The following RBP3 variants were observed in gnomAD, a reference collection of about 807,000 sequenced individuals.
RBP3 encodes the protein retinol binding protein 3.
A neutral mutation model predicts 64.8 loss-of-function variants in RBP3; 50 were observed. The observed-to-expected ratio is 0.77, with a 90% CI of 0.61 to 0.98. RBP3 has a LOEUF of 0.98. Ranked by LOEUF, RBP3 falls within the 50% of genes least tolerant of loss-of-function variation. RBP3 has a pLI of 0.00. For missense variants in RBP3, 1,712 were observed against 1,660.5 expected, an observed-to-expected ratio of 1.03 and a Z score of -0.54; for synonymous variants, 828 against 730.2, an observed-to-expected ratio of 1.13 and a Z score of -2.16.
intron 1 of RBP3, 151 bp downstream of exon 1, chr10:47,351,689 C>A: frequency 1.0e-6 from 1 of 997,010 alleles, no homozygotes; most frequent in Non-Finnish European, 1.5e-6. Context: ...TTTCCTCTTT[C>A]TCAACCTGTT....
rs1029430068 is a variant in RBP3, at chr10:47,357,364, C to T, written c.3651C>T (p.Val1217=). 2 of 1,614,018 alleles carry T rather than the reference C, an allele frequency of 1.2e-6. No individual in the cohort carries two copies. Among genetic ancestry groups the T allele is most frequent in the Admixed American group, 3.3e-5 (2 of 60,004 alleles). The change falls in exon 4 of 4, where the codon GTC becomes GTT. Residue 1217 remains valine, a synonymous_variant. Coordinates refer to ENST00000584701, the MANE Select transcript of RBP3 (RefSeq NM_002900.3). ...EGVGVTPHVV[V]PAEEALARAK... ...TGGGGGTGACACCCCATGTGGTTGT[C>T]CCTGCAGAAGAGGCTCTCGCCAGGG...
chr10:47,349,093 C>T lies in RBP3; in HGVS notation c.609C>T (p.Pro203=). 1 of 1,614,066 alleles carries T rather than the reference C, an allele frequency of 6.2e-7. No homozygotes were observed. Among genetic ancestry groups the T allele is most frequent in the South Asian group, 1.1e-5 (1 of 91,076 alleles). ...ACGTGGACACTATCTACAACCGCCC[C>T]TCCAACACCACCACGGAGATCTGGA... is the stretch of plus-strand genomic sequence containing the variant. The part of the protein sequence containing the change: ...ILHVDTIYNR[P]SNTTTEIWTL... Residue 203 remains proline (P), a synonymous_variant, in exon 1 of 4, where the codon CCC becomes CCT. Coordinates refer to ENST00000584701, the MANE Select transcript of RBP3 (RefSeq NM_002900.3).
In RBP3 at chr10:47,349,774, C is replaced by G. The variant is rs1555211187; in HGVS notation, c.1290C>G (p.Phe430Leu). The change falls in exon 1 of 4, where the codon TTC becomes TTG. Residue 430 changes from phenylalanine to leucine, a missense_variant. Coordinates refer to ENST00000584701, the MANE Select transcript of RBP3 (RefSeq NM_002900.3). ...GGCAAGCACTGGTGGACTCTGTGTTCCAGGTGTCGGTGCTGCCAGGCAATG... is the reference window on the plus strand; with the variant it reads ...GGCAAGCACTGGTGGACTCTGTGTTGCAGGTGTCGGTGCTGCCAGGCAATG... ...AIRQALVDSV[F>L]QVSVLPGNVG... The G allele has an allele frequency of 1.2e-6, 2 of 1,613,176 alleles. No individual in the cohort carries two copies. Among genetic ancestry groups the G allele is most frequent in the South Asian group, 1.1e-5 (1 of 91,082 alleles).
In RBP3 at chr10:47,350,854, C is replaced by G. The variant is rs1836958854; in HGVS notation, c.2370C>G (p.Ser790=). The G allele has an allele frequency of 6.2e-7, 1 of 1,612,908 alleles. No homozygotes were observed. Among genetic ancestry groups the G allele is most frequent in the Non-Finnish European group, 8.5e-7 (1 of 1,180,002 alleles). The change falls in exon 1 of 4, where the codon TCC becomes TCG. Residue 790 remains serine (S), a synonymous_variant. Transcript: ENST00000584701. ...IDLRYNPGSY[S]TAIPLLCSYF... is the part of the protein sequence containing the mutation. ...TGCGCTACAACCCTGGCAGCTACTC[C>G]ACGGCCATCCCGCTGCTCTGCTCCT...
chr10:47,350,344 G>T lies in RBP3; in HGVS notation c.1860G>T (p.Glu620Asp). The change falls in exon 1 of 4, where the codon GAG becomes GAT. Residue 620 changes from glutamate to aspartate, a missense_variant. By Grantham distance (45) the Glu-to-Asp change is conservative. Coordinates refer to ENST00000584701, the MANE Select transcript of RBP3 (RefSeq NM_002900.3). ...GVVPDAIVLA[E>D]EALDKAQEVL... ...TGCCCGATGCCATCGTGCTGGCCGA[G>T]GAGGCCCTGGACAAAGCCCAGGAAG... 1 of 1,612,122 alleles carries T rather than the reference G, an allele frequency of 6.2e-7. No individual in the cohort carries two copies. The highest frequency in any genetic ancestry group is 1.1e-5 in the South Asian group (1 of 91,080).
At position 47,350,075 on chromosome 10, in the gene RBP3, T is replaced by C; in HGVS notation, c.1591T>C (p.Tyr531His). 6.2e-7 allele frequency: 1 copy of C among 1,613,018 alleles called. No individual in the cohort carries two copies. Among genetic ancestry groups the C allele is most frequent in the Non-Finnish European group, 8.5e-7 (1 of 1,179,978 alleles). Residue 531 changes from tyrosine (Y) to histidine (H), a missense_variant, in exon 1 of 4, where the codon TAC becomes CAC. Physicochemically the swap from Tyr to His is moderately conservative, Grantham distance 83 (BLOSUM62 2). Coordinates refer to ENST00000584701, the MANE Select transcript of RBP3 (RefSeq NM_002900.3). ...FSHMELPGPRYSTQRGVYLLT... is the reference protein window; with the variant it reads ...FSHMELPGPRHSTQRGVYLLT... ...CCACATGGAGCTCCCGGGCCCACGC[T>C]ACAGCACCCAACGTGGGGTGTATCT...
rs956826758 is a variant in RBP3, at chr10:47,348,421, G to A, written c.-64G>A. ...GCGGAAGGCAGCTGCACAGAGCAGG[G>A]CCACGGCCTTGCACACAGTCCAGGG... On this transcript the variant is annotated 5_prime_UTR_variant, in exon 1 of 4. Transcript: ENST00000584701. The A allele has an allele frequency of 1.9e-6, 3 of 1,560,504 alleles. No individual in the cohort carries two copies. Among genetic ancestry groups the A allele is most frequent in the African/African-American group, 1.4e-5 (1 of 73,946 alleles).
At position 47,349,134 on chromosome 10, in the gene RBP3, T is replaced by C. The variant is rs782220407; in HGVS notation, c.650T>C (p.Leu217Pro). Residue 217 changes from leucine to proline, a missense_variant, in exon 1 of 4, where the codon CTG (leucine) becomes CCG (proline). Physicochemically the swap from Leu to Pro is moderately conservative, Grantham distance 98 (BLOSUM62 -3). Coordinates refer to ENST00000584701, the MANE Select transcript of RBP3 (RefSeq NM_002900.3). ...TTEIWTLPQVLGERYGADKDV... is the reference protein window; with the variant it reads ...TTEIWTLPQVPGERYGADKDV... Reference sequence around the variant, plus strand: ...GAGATCTGGACCTTGCCCCAGGTCCTGGGAGAAAGGTACGGTGCCGACAAG... The same window carrying C: ...GAGATCTGGACCTTGCCCCAGGTCCCGGGAGAAAGGTACGGTGCCGACAAG... 3.7e-6 allele frequency: 6 copies of C among 1,613,812 alleles called. No individual in the cohort carries two copies. The highest frequency in any genetic ancestry group is 2.2e-5 in the East Asian group (1 of 44,888).
At position 47,348,973 on chromosome 10, in the gene RBP3, C is replaced by T. The variant is rs369162170; in HGVS notation, c.489C>T (p.Ser163=). The T allele has an allele frequency of 3.7e-6, 6 of 1,613,822 alleles. No homozygotes were observed. The highest frequency in any genetic ancestry group is 2.2e-5 in the East Asian group (1 of 44,882). ...TGTGGGGGAATCTCATGGGCACCTCCGCCTTAGTGCTGGATCTCCGGCACT... is the reference window on the plus strand; with the variant it reads ...TGTGGGGGAATCTCATGGGCACCTCTGCCTTAGTGCTGGATCTCCGGCACT... The part of the protein sequence containing the change: ...AHVWGNLMGT[S]ALVLDLRHCT... Residue 163 remains serine, a synonymous_variant, in exon 1 of 4, where the codon TCC becomes TCT. Coordinates refer to ENST00000584701, the MANE Select transcript of RBP3 (RefSeq NM_002900.3).
intron 3 of RBP3, 138 bp downstream of exon 3, chr10:47,355,656 T>A: frequency 9.2e-7 from 1 of 1,090,588 alleles, no homozygotes; most frequent in East Asian, 2.5e-5. Context: ...TAGATGTGCA[T>A]GATCTCGAAT....
chr10:47,351,458 C>A lies in RBP3; in HGVS notation c.2974C>A (p.Leu992Ile), dbSNP rs782670311. Residue 992 changes from leucine to isoleucine, a missense_variant, in exon 1 of 4, where the codon CTC becomes ATC. By Grantham distance (5) the Leu-to-Ile change is conservative. Coordinates refer to ENST00000584701, the MANE Select transcript of RBP3 (RefSeq NM_002900.3). ...AEILGADLQM[L>I]SGDPHLKAAH... ...GATCCTGGGGGCTGACCTGCAGATG[C>A]TCTCCGGAGACCCACACCTGAAGGC... 4.8e-5 allele frequency: 78 copies of A among 1,613,724 alleles called. No individual in the cohort carries two copies. Among genetic ancestry groups the A allele is most frequent in the Non-Finnish European group, 5.9e-5 (70 of 1,180,052 alleles).
In RBP3 at chr10:47,350,263, G is replaced by C. The variant is rs1555211323; in HGVS notation, c.1779G>C (p.Val593=). The C allele has an allele frequency of 6.2e-7, 1 of 1,607,488 alleles. No homozygotes were observed. The highest frequency in any genetic ancestry group is 8.5e-7 in the Non-Finnish European group (1 of 1,179,932). Residue 593 remains valine (V), a synonymous_variant, in exon 1 of 4, where the codon GTG becomes GTC. Coordinates refer to ENST00000584701, the MANE Select transcript of RBP3 (RefSeq NM_002900.3). ...DTPEGSLALT[V]PVLTFIDNHG... ...CCGAAGGCAGCCTCGCGCTCACCGT[G>C]CCGGTCCTCACCTTCATCGACAATC... is the stretch of plus-strand genomic sequence containing the variant.
rs782140996 is a variant in RBP3, at chr10:47,349,602, A to G, written c.1118A>G (p.Asn373Ser). 6.2e-7 allele frequency: 1 copy of G among 1,612,866 alleles called. No individual in the cohort carries two copies. Among genetic ancestry groups the G allele is most frequent in the Admixed American group, 1.7e-5 (1 of 60,022 alleles). Residue 373 changes from asparagine (N) to serine (S), a missense_variant, in exon 1 of 4, where the codon AAT becomes AGT. By Grantham distance (46) the Asn-to-Ser change is conservative (BLOSUM62 1). Transcript: ENST00000584701. ...VSEEDLVTKL[N>S]AGLQAASEDP... Reference sequence around the variant, plus strand: ...GAGGAAGATCTGGTCACCAAGCTCAATGCCGGCCTGCAGGCTGCGTCTGAG... The same window carrying G: ...GAGGAAGATCTGGTCACCAAGCTCAGTGCCGGCCTGCAGGCTGCGTCTGAG...
Position 47,349,743 on chromosome 10 carries a change from C to A in RBP3, c.1259C>A (p.Ala420Asp), listed in dbSNP as rs782767515. 1.1e-5 allele frequency: 17 copies of A among 1,612,572 alleles called. No homozygotes were observed. The highest frequency in any genetic ancestry group is 8.3e-5 in the Admixed American group (5 of 60,000). The change falls in exon 1 of 4, where the codon GCT (alanine) becomes GAT (aspartate). Residue 420 changes from alanine to aspartate, a missense_variant. Ala to Asp is a moderately radical substitution (Grantham distance 126). Coordinates refer to ENST00000584701, the MANE Select transcript of RBP3 (RefSeq NM_002900.3). Reference protein sequence around the residue: ...GVAPELPEDEAIRQALVDSVF... With the variant: ...GVAPELPEDEDIRQALVDSVF... ...GCCCCAGAGTTGCCTGAGGACGAGGCTATCCGGCAAGCACTGGTGGACTCT... is the reference window on the plus strand; with the variant it reads ...GCCCCAGAGTTGCCTGAGGACGAGGATATCCGGCAAGCACTGGTGGACTCT...
At chr10:47,353,243 A>C in intron 1 of RBP3, 82 bp from the exon 2 acceptor site, 1 of 1,298,938 alleles carries the variant, frequency 7.7e-7, no homozygotes, top group Non-Finnish European at 1.1e-6. Flanking sequence ...CATGCCCTTA[A>C]TATTTCCCAT....
At chr10:47,356,346 C>A (rs1186104953) in intron 3 of RBP3, among the ~76,000 whole-genome samples, 1 of 152,054 alleles carries the variant, frequency 6.6e-6, no homozygotes, top group African/African-American at 2.4e-5. Context: ...AAGATAGACT[C>A]AATTCTGCAG....
chr10:47,356,977 G>A, intron 3 of RBP3, 125 bp from the exon 4 acceptor site: 1 of 785,130 alleles, frequency 1.3e-6, no homozygotes, highest in Non-Finnish European at 2.1e-6. Context: ...CTCACAAGTG[G>A]ACACAAGGAC....
rs782095292 is a variant in RBP3, at chr10:47,355,486, T to C, written c.3356T>C (p.Val1119Ala). ...ATCTACAGCCGGCCTGATGACTCTG[T>C]CAGTGAACTCTGGACACACGCCCAG... ...DKIYSRPDDS[V>A]SELWTHAQVV... is the part of the protein sequence containing the mutation. Residue 1119 changes from valine to alanine, a missense_variant, in exon 3 of 4, where the codon GTC becomes GCC. Val to Ala is a moderately conservative substitution (Grantham distance 64, BLOSUM62 0). Transcript: ENST00000584701. The C allele has an allele frequency of 6.2e-7, 1 of 1,614,226 alleles. No homozygotes were observed. Among genetic ancestry groups the C allele is most frequent in the Admixed American group, 1.7e-5 (1 of 60,032 alleles).
rs782162558 is a variant in RBP3, at chr10:47,350,643, T to C, written c.2159T>C (p.Val720Ala). The C allele has an allele frequency of 6.2e-7, 1 of 1,612,750 alleles. No homozygotes were observed. The highest frequency in any genetic ancestry group is 8.5e-7 in the Non-Finnish European group (1 of 1,179,982). Residue 720 changes from valine to alanine, a missense_variant, in exon 1 of 4, where the codon GTC (valine) becomes GCC (alanine). Physicochemically the swap from Val to Ala is moderately conservative, Grantham distance 64. Transcript: ENST00000584701. ...VEEAPPPPPAVPSPEELTYLI... is the reference protein window; with the variant it reads ...VEEAPPPPPAAPSPEELTYLI... ...GAAGCACCCCCACCACCCCCTGCTGTCCCCTCTCCAGAGGAGCTCACCTAC... is the reference window on the plus strand; with the variant it reads ...GAAGCACCCCCACCACCCCCTGCTGCCCCCTCTCCAGAGGAGCTCACCTAC...
Sources: allele counts gnomAD v4.1 joint callset (sites outside exome capture counted in the v4.1 genomes callset), GRCh38; gene constraint gnomAD v4.1.1; transcripts MANE v1.5; gene names NCBI Gene and HGNC (gene_info 2026-07-23, HGNC 2026-07-21).